The following GALNT13 variants were observed in gnomAD, a reference collection of about 807,000 sequenced individuals.
The protein encoded by GALNT13 is UDP-GalNAc:polypeptide N-acetylgalactosaminyltransferase 13.
A neutral mutation model predicts 64.2 loss-of-function variants in GALNT13; 28 were observed. That is an observed-to-expected ratio of 0.44 (90% CI 0.32 to 0.60). GALNT13 has a LOEUF of 0.60. GALNT13 is among the 20% of genes least tolerant of loss of function. The pLI is 0.05. For missense variants in GALNT13, 577 were observed against 669.8 expected (o/e 0.86, Z 1.53); for synonymous variants, 214 against 224.6 (o/e 0.95, Z 0.42).
At chr2:153,166,178 T>C in the GALNT13 span, among the ~76,000 whole-genome samples, 2 of 152,214 alleles carry the variant, frequency 1.3e-5, no homozygotes, top group South Asian at 2.1e-4. Context: ...TTGAGGTCTG[T>C]GTCTCCTGGT....
chr2:153,852,394 A>G, the GALNT13 span, among the ~76,000 whole-genome samples: 12 of 152,178 alleles, frequency 7.9e-5, no homozygotes, highest in African/African-American at 2.7e-4. Flanking sequence ...AATAACTAAC[A>G]TTTTTTAGTT....
intron 3 of GALNT13, among the ~76,000 whole-genome samples, chr2:154,024,462 C>T (rs1011191427): frequency 6.6e-6 from 1 of 152,080 alleles, no homozygotes; most frequent in African/African-American, 2.4e-5. Flanking sequence ...TCACTGATAC[C>T]CTTTCTTCCA....
At chr2:153,710,722 TATA>T in the GALNT13 span, among the ~76,000 whole-genome samples, 1 of 152,140 alleles carries the variant, frequency 6.6e-6, no homozygotes, top group African/African-American at 2.4e-5. Flanking sequence ...TGCTGTTTAT[TATA>T]ATATTACCCA....
the GALNT13 span, among the ~76,000 whole-genome samples, chr2:153,786,757 C>T: frequency 1.3e-5 from 2 of 152,104 alleles, no homozygotes; most frequent in Non-Finnish European, 2.9e-5. Context: ...CAATTGAAAG[C>T]CCCTCTGCCA....
At chr2:153,510,449 T>G in the GALNT13 span, among the ~76,000 whole-genome samples, 1 of 152,142 alleles carries the variant, frequency 6.6e-6, no homozygotes, top group Admixed American at 6.5e-5. Flanking sequence ...TTAAGAAGCT[T>G]GTATTCTATC....
the GALNT13 span, among the ~76,000 whole-genome samples, chr2:153,082,174 A>G: frequency 6.6e-6 from 1 of 152,126 alleles, no homozygotes; most frequent in African/African-American, 2.4e-5. Flanking sequence ...TTTTTGAGAA[A>G]TGAGTTTTTG....
chr2:154,110,346 G>T (rs1313438137), intron 3 of GALNT13, among the ~76,000 whole-genome samples: 1 of 70,164 alleles, frequency 1.4e-5, no homozygotes, highest in Non-Finnish European at 2.5e-5. Context: ...TAGAGAGAGA[G>T]AGAGAGAGAG....
chr2:153,380,814 T>G, the GALNT13 span, among the ~76,000 whole-genome samples: 1 of 152,202 alleles, frequency 6.6e-6, no homozygotes, highest in Admixed American at 6.5e-5. Flanking sequence ...ATTTTATATA[T>G]TGTATTTTAA....
the GALNT13 span, among the ~76,000 whole-genome samples, chr2:153,114,528 T>C: frequency 1.3e-5 from 2 of 152,088 alleles, no homozygotes; most frequent in East Asian, 1.9e-4. Flanking sequence ...AGAGAGTTAA[T>C]AAGCTTTGGA....
chr2:154,109,556 C>G (rs1277406980), intron 3 of GALNT13, among the ~76,000 whole-genome samples: 2 of 151,824 alleles, frequency 1.3e-5, no homozygotes, highest in African/African-American at 4.8e-5. Flanking sequence ...TGTTCCAGAT[C>G]TCAGAGGAAG....
the GALNT13 span, among the ~76,000 whole-genome samples, chr2:153,305,750 T>G: frequency 6.6e-6 from 1 of 152,098 alleles, no homozygotes; most frequent in African/African-American, 2.4e-5. Context: ...CAGGCAGTGT[T>G]GAGCATTCCG....
intron 8 of GALNT13, among the ~76,000 whole-genome samples, chr2:154,298,442 A>G (rs190432663): frequency 0.035 from 4,801 of 135,904 alleles, 141 homozygotes; most frequent in Non-Finnish European, 0.054. Context: ...TATATAAATT[A>G]TATATAATTT....
intron 3 of GALNT13, among the ~76,000 whole-genome samples, chr2:153,983,619 C>T (rs1408811456): frequency 6.6e-6 from 1 of 151,826 alleles, no homozygotes; most frequent in African/African-American, 2.4e-5. Context: ...CTCTCAAACT[C>T]TGATTTCCAA....
At chr2:153,483,349 T>C in the GALNT13 span, among the ~76,000 whole-genome samples, 17 of 149,668 alleles carry the variant, frequency 1.1e-4, no homozygotes, top group Admixed American at 6.7e-4. Flanking sequence ...AATGAAGTGA[T>C]AAACAAACTG....
At chr2:153,268,362 A>T in the GALNT13 span, among the ~76,000 whole-genome samples, 1 of 151,966 alleles carries the variant, frequency 6.6e-6, no homozygotes, top group Non-Finnish European at 1.5e-5. Context: ...ATCACCTGTG[A>T]CTCCATGTCT....
At chr2:153,177,861 A>T in the GALNT13 span, among the ~76,000 whole-genome samples, 2 of 152,102 alleles carry the variant, frequency 1.3e-5, no homozygotes, top group Non-Finnish European at 2.9e-5. Flanking sequence ...TTTAACCATC[A>T]TCTCTCCATT....
chr2:154,154,719 G>A (rs562503570), intron 4 of GALNT13, among the ~76,000 whole-genome samples: 62 of 152,112 alleles, frequency 4.1e-4, no homozygotes, highest in Non-Finnish European at 7.2e-4. Flanking sequence ...GATGGCATGC[G>A]GTTGAATTTT....
chr2:153,813,502 G>A, the GALNT13 span, among the ~76,000 whole-genome samples: 1 of 150,014 alleles, frequency 6.7e-6, no homozygotes, highest in South Asian at 2.1e-4. Flanking sequence ...TTATGGAGAG[G>A]GTGGGAGGAA....
At chr2:154,401,559 C>T (rs1699304688) in intron 10 of GALNT13, among the ~76,000 whole-genome samples, 1 of 152,100 alleles carries the variant, frequency 6.6e-6, no homozygotes, top group Admixed American at 6.5e-5. Flanking sequence ...GGCAACTCAC[C>T]TGTGAACAAA....
Sources: allele counts gnomAD v4.1 joint callset (sites outside exome capture counted in the v4.1 genomes callset), GRCh38; gene constraint gnomAD v4.1.1; transcripts MANE v1.5; gene names NCBI Gene and HGNC (gene_info 2026-07-23, HGNC 2026-07-21).